SOCS7: variants seen among roughly 807,000 people sequenced by gnomAD.
SOCS7 encodes NAP-4.
In SOCS7, 18 loss-of-function variants were observed where a neutral mutation model predicts 58.9. The ratio of observed to expected loss-of-function variants is 0.31; its 90% CI spans 0.21 to 0.45. The LOEUF (loss-of-function observed/expected upper bound fraction) is 0.45. Ranked by LOEUF, SOCS7 falls within the 20% of genes least tolerant of loss-of-function variation. The probability of loss-of-function intolerance (pLI) is 1.00; values close to 1 mark genes in which losing one functional copy is unlikely to be tolerated. For synonymous variants in SOCS7, 388 were observed against 364.3 expected (o/e 1.06, Z -0.74); for missense variants, 667 against 837.3 (o/e 0.80, Z 2.51).
At chr17:38,363,122 G>A (rs1000121574) in intron 2 of SOCS7, among the ~76,000 whole-genome samples, 2 of 151,160 alleles carry the variant, frequency 1.3e-5, no homozygotes, top group African/African-American at 4.9e-5. Flanking sequence ...AAAAAAAAAA[G>A]GAACACCACC....
chr17:38,389,872 T>TATATATGTACATATATATGTAC (rs2038137592), intron 7 of SOCS7, among the ~76,000 whole-genome samples: 1 of 111,748 alleles, frequency 8.9e-6, no homozygotes, highest in African/African-American at 3.8e-5. Flanking sequence ...TGTGTACATA[T>TATATATGTACATATATATGTAC]ATATATATAT....
Position 38,368,025 on chromosome 17 carries a change from C to A in SOCS7, c.1527C>A (p.His509Gln), listed in dbSNP as rs1316062669. 6.2e-7 allele frequency: 1 copy of A among 1,613,930 alleles called. No individual in the cohort carries two copies. The highest frequency in any genetic ancestry group is 8.5e-7 in the Non-Finnish European group (1 of 1,179,970). Residue 509 changes from histidine (H) to glutamine (Q), a missense_variant, in exon 6 of 10, where the codon CAC (histidine) becomes CAA (glutamine). By Grantham distance (24) the His-to-Gln change is conservative. This residue lies in a region of SOCS7 where 76 missense variants were observed against 194.5 expected (regional missense o/e 0.39). Coordinates refer to ENST00000612932, the MANE Select transcript of SOCS7 (RefSeq NM_014598.4). ...GTTTCCGATCACAGGGTATCACCCACCACACTAGAATGGAGCACTACAGAG... is the reference window on the plus strand; with the variant it reads ...GTTTCCGATCACAGGGTATCACCCAACACACTAGAATGGAGCACTACAGAG... The part of the protein sequence containing the change: ...SLSFRSQGIT[H>Q]HTRMEHYRGT...
chr17:38,379,208 G>T (rs2037970842), intron 7 of SOCS7, among the ~76,000 whole-genome samples: 1 of 151,806 alleles, frequency 6.6e-6, no homozygotes, highest in African/African-American at 2.4e-5. Flanking sequence ...GCAGGGGTTG[G>T]TGGCTCACAC....
intron 1 of SOCS7, among the ~76,000 whole-genome samples, chr17:38,359,093 A>G (rs949418734): frequency 6.6e-6 from 1 of 152,246 alleles, no homozygotes; most frequent in African/African-American, 2.4e-5. Flanking sequence ...TTGAAAGGCC[A>G]GTGCTTCAGG....
At chr17:38,361,624 T>C in intron 1 of SOCS7, 87 bp from the exon 2 acceptor site, 3 of 986,292 alleles carry the variant, frequency 3.0e-6, no homozygotes, top group Non-Finnish European at 4.9e-6. Flanking sequence ...TATTTCTCAG[T>C]GCATCTGGAA....
At position 38,352,145 on chromosome 17, in the gene SOCS7, C is replaced by T. The variant is rs2037561258; in HGVS notation, c.93C>T (p.Ala31=). 8.7e-7 allele frequency: 1 copy of T among 1,147,136 alleles called. No homozygotes were observed. Among genetic ancestry groups the T allele is most frequent in the Non-Finnish European group, 1.1e-6 (1 of 911,674 alleles). 71.1% of individuals were successfully genotyped at this position (1,147,136 alleles called of 1,614,324 possible). A position where few individuals can be genotyped will look rare whatever the true frequency, so the allele number is the denominator to read the frequency against. Residue 31 remains alanine (A), a synonymous_variant, in exon 1 of 10, where the codon GCC becomes GCT. Transcript: ENST00000612932. The surrounding 1 kb of genome is among the most constrained non-coding windows in gnomAD (Gnocchi z 5.5). The part of the protein sequence containing the change: ...LSRLLGYGEA[A]PEPGPPPPPP... ...GCCTCCTTGGCTATGGAGAGGCGGC[C>T]CCCGAGCCAGGCCCTCCGCCACCGC...
intron 7 of SOCS7, among the ~76,000 whole-genome samples, chr17:38,380,652 A>G (rs2037989700): frequency 6.6e-6 from 1 of 151,566 alleles, no homozygotes. Context: ...AATAATAATA[A>G]TAATGATAAT....
rs1260214982 is a variant in SOCS7 at position 38,402,093 on chromosome 17, A to T, written c.*2611A>T. On this transcript the variant is annotated 3_prime_UTR_variant, in exon 10 of 10. Transcript: ENST00000612932. ...GAGGTGTGACCCAACCTCACCACCCACCTTTCTCCTCCTGGGGAGTGTCGT... is the reference window on the plus strand; with the variant it reads ...GAGGTGTGACCCAACCTCACCACCCTCCTTTCTCCTCCTGGGGAGTGTCGT... 6.6e-6 allele frequency: 1 copy of T among 152,350 alleles called. No homozygotes were observed. Among genetic ancestry groups the T allele is most frequent in the African/African-American group, 2.4e-5 (1 of 41,464 alleles). The allele number at this position is 152,350 out of a possible 1,614,324, so 9.4% of individuals were successfully genotyped here. A position where few individuals can be genotyped will look rare whatever the true frequency, so the allele number is the denominator to read the frequency against.
intron 9 of SOCS7, among the ~76,000 whole-genome samples, chr17:38,396,766 T>TTGG (rs1014399703): frequency 2.6e-5 from 4 of 152,118 alleles, no homozygotes; most frequent in Admixed American, 1.3e-4. Context: ...AGCCATGACT[T>TTGG]TGGTGGTGGT....
intron 2 of SOCS7, among the ~76,000 whole-genome samples, chr17:38,362,485 C>T (rs587688270): frequency 6.6e-6 from 1 of 152,326 alleles, no homozygotes; most frequent in Non-Finnish European, 1.5e-5. Flanking sequence ...GCCCATGTCT[C>T]AGAAACTGAG....
chr17:38,375,724 G>C (rs1292766033), intron 6 of SOCS7: 1 of 152,076 alleles, frequency 6.6e-6, no homozygotes, highest in African/African-American at 2.4e-5. Context: ...CATTATTCAA[G>C]GGTCAGTTTA....
chr17:38,388,588 A>G (rs2038111181), intron 7 of SOCS7, among the ~76,000 whole-genome samples: 1 of 152,208 alleles, frequency 6.6e-6, no homozygotes, highest in African/African-American at 2.4e-5. Context: ...AACAATCACC[A>G]CAATCAATTT....
intron 9 of SOCS7, among the ~76,000 whole-genome samples, chr17:38,396,453 A>G (rs1247255747): frequency 2.0e-5 from 3 of 152,254 alleles, no homozygotes; most frequent in African/African-American, 7.2e-5. Flanking sequence ...TTTAATTGCA[A>G]CAGGCATGCA....
chr17:38,371,622 G>A (rs1395538834), intron 6 of SOCS7, among the ~76,000 whole-genome samples: 1 of 149,744 alleles, frequency 6.7e-6, no homozygotes, highest in Non-Finnish European at 1.5e-5. Context: ...GAACCACCAT[G>A]CCCGGCCGGG....
intron 7 of SOCS7, among the ~76,000 whole-genome samples, chr17:38,389,013 T>C (rs2038116821): frequency 6.6e-6 from 1 of 152,234 alleles, no homozygotes; most frequent in Admixed American, 6.5e-5. Flanking sequence ...GTGAAATTGC[T>C]GGGTCATATG....
intron 4 of SOCS7, 126 bp from the exon 5 acceptor site, chr17:38,366,161 C>T: frequency 7.2e-7 from 1 of 1,386,730 alleles, no homozygotes; most frequent in Non-Finnish European, 9.7e-7. Flanking sequence ...TTGGCTTCTA[C>T]CCTTTCCAGC....
intron 6 of SOCS7, among the ~76,000 whole-genome samples, chr17:38,375,329 CT>C (rs1339398324): frequency 7.3e-6 from 1 of 136,710 alleles, no homozygotes; most frequent in Non-Finnish European, 1.7e-5. Context: ...AGACACCCCC[CT>C]CTTCCTCTTC....
chr17:38,362,851 C>T (rs1485527735), intron 2 of SOCS7, among the ~76,000 whole-genome samples: 3 of 152,182 alleles, frequency 2.0e-5, no homozygotes, highest in Non-Finnish European at 4.4e-5. Flanking sequence ...TGGCTCATGC[C>T]TATAATCCCA....
chr17:38,376,413 C>T (rs1173182577), intron 6 of SOCS7, among the ~76,000 whole-genome samples: 5 of 151,980 alleles, frequency 3.3e-5, no homozygotes, highest in African/African-American at 7.3e-5. Context: ...TGGTCCTGGC[C>T]GGAAATCAAT....
Sources: allele counts gnomAD v4.1 joint callset (sites outside exome capture counted in the v4.1 genomes callset), GRCh38; gene constraint gnomAD v4.1.1; regional missense constraint gnomAD v4.1.1; non-coding constraint Gnocchi (gnomAD v3.1); transcripts MANE v1.5; gene names NCBI Gene and HGNC (gene_info 2026-07-23, HGNC 2026-07-21).